The following EYA2 variants were observed in gnomAD, a reference collection of about 807,000 sequenced individuals.
The protein encoded by EYA2 is EYA transcriptional coactivator and phosphatase 2.
Under a neutral mutation model 69.2 loss-of-function variants are expected in EYA2, and 31 were observed. The ratio of observed to expected loss-of-function variants is 0.45; its 90% CI spans 0.34 to 0.60. The LOEUF is 0.60. Among genes scored for constraint, EYA2 ranks in the 20% least tolerant of loss-of-function variants. The probability of loss-of-function intolerance (pLI) is 0.02; values close to 1 mark genes in which losing one functional copy is unlikely to be tolerated. For synonymous variants in EYA2, 257 were observed against 279.4 expected (o/e 0.92, Z 0.80); for missense variants, 622 against 701.2 (o/e 0.89, Z 1.28).
At chr20:46,964,635 ACT>A (rs996380147) in intron 1 of EYA2, among the ~76,000 whole-genome samples, 11 of 152,172 alleles carry the variant, frequency 7.2e-5, no homozygotes, top group African/African-American at 2.2e-4. Flanking sequence ...TTTGCCAGAC[ACT>A]CTGCTAAATG....
chr20:47,121,321 G>C (rs1237451967), intron 9 of EYA2, among the ~76,000 whole-genome samples: 1 of 152,156 alleles, frequency 6.6e-6, no homozygotes, highest in Admixed American at 6.5e-5. Context: ...TCGAACTCCT[G>C]ACCTCAAGTG....
intron 1 of EYA2, among the ~76,000 whole-genome samples, chr20:46,895,380 C>G (rs751217474): frequency 1.3e-5 from 2 of 152,266 alleles, no homozygotes; most frequent in Non-Finnish European, 2.9e-5. Context: ...TCCCCCAGTC[C>G]GCAAACTCAA....
At chr20:46,968,124 G>A (rs987485351) in intron 1 of EYA2, among the ~76,000 whole-genome samples, 4 of 152,192 alleles carry the variant, frequency 2.6e-5, no homozygotes, top group African/African-American at 9.7e-5. Flanking sequence ...TTAGAGTAGG[G>A]CCATGTCCAG....
At chr20:46,940,295 A>G (rs552583799) in intron 1 of EYA2, among the ~76,000 whole-genome samples, 18 of 152,290 alleles carry the variant, frequency 1.2e-4, no homozygotes, top group African/African-American at 4.1e-4. Flanking sequence ...ATCAACTCAC[A>G]TAATAGTTGA....
intron 1 of EYA2, among the ~76,000 whole-genome samples, chr20:46,950,459 G>A (rs1978726938): frequency 6.6e-6 from 1 of 152,150 alleles, no homozygotes; most frequent in Admixed American, 6.5e-5. Context: ...TTGGGGTGCT[G>A]GAGCTGTGGG....
intron 5 of EYA2, among the ~76,000 whole-genome samples, chr20:47,024,463 T>A (rs1314579535): frequency 6.6e-6 from 1 of 152,220 alleles, no homozygotes; most frequent in African/African-American, 2.4e-5. Flanking sequence ...TCTGATCTTT[T>A]CCAGTGGTTC....
intron 5 of EYA2, among the ~76,000 whole-genome samples, chr20:47,019,987 A>AAG (rs3092589): frequency 6.7e-6 from 1 of 148,608 alleles, no homozygotes; most frequent in East Asian, 2.0e-4. Context: ...AAAAAAAAAA[A>AAG]TGCTGGGCAT....
At chr20:47,130,867 A>C (rs1478156339) in intron 9 of EYA2, among the ~76,000 whole-genome samples, 1 of 152,180 alleles carries the variant, frequency 6.6e-6, no homozygotes, top group Non-Finnish European at 1.5e-5. Context: ...AGGTAGGCAG[A>C]TCACCTGAGG....
At chr20:47,163,555 G>C (rs3092125) in intron 10 of EYA2, among the ~76,000 whole-genome samples, 1 of 151,496 alleles carries the variant, frequency 6.6e-6, no homozygotes, top group African/African-American at 2.4e-5. Context: ...AAAATTAGCT[G>C]GGCGTGGTGG....
intron 1 of EYA2, among the ~76,000 whole-genome samples, chr20:46,903,234 A>C (rs1353851832): frequency 6.6e-6 from 1 of 152,222 alleles, no homozygotes; most frequent in Non-Finnish European, 1.5e-5. Flanking sequence ...GAGGGTGCAG[A>C]GGGTGTTGAC....
intron 9 of EYA2, among the ~76,000 whole-genome samples, chr20:47,099,905 C>T (rs2032375242): frequency 6.6e-6 from 1 of 152,076 alleles, no homozygotes; most frequent in Admixed American, 6.5e-5. Context: ...TTTCCCCAAC[C>T]ACGCGCAGTA....
chr20:47,098,453 G>GC (rs1381280638), intron 9 of EYA2, among the ~76,000 whole-genome samples: 1 of 152,256 alleles, frequency 6.6e-6, no homozygotes, highest in Non-Finnish European at 1.5e-5. Context: ...CTTAGAGGCA[G>GC]CCTGCTGTGA....
At chr20:46,953,186 T>C (rs546510519) in intron 1 of EYA2, among the ~76,000 whole-genome samples, 16 of 152,228 alleles carry the variant, frequency 1.1e-4, no homozygotes, top group Non-Finnish European at 7.3e-5. Context: ...ACTGATGCTT[T>C]ACATATTCTA....
intron 9 of EYA2, among the ~76,000 whole-genome samples, chr20:47,097,808 TG>T (rs2032296324): frequency 6.6e-6 from 1 of 152,210 alleles, no homozygotes; most frequent in Admixed American, 6.5e-5. Flanking sequence ...GTTCATCCCA[TG>T]GGCTACTGAA....
intron 1 of EYA2, among the ~76,000 whole-genome samples, chr20:46,927,080 G>A (rs1985446030): frequency 6.6e-6 from 1 of 152,222 alleles, no homozygotes; most frequent in South Asian, 2.1e-4. Flanking sequence ...CTTGATGGGA[G>A]CCCAGAAGTG....
intron 14 of EYA2, among the ~76,000 whole-genome samples, 168 bp downstream of exon 14, chr20:47,181,104 C>T (rs530177127): frequency 6.6e-6 from 1 of 152,276 alleles, no homozygotes; most frequent in Non-Finnish European, 1.5e-5. Context: ...CATGCCTTAA[C>T]CTCTGCTTCT....
At chr20:46,999,991 T>G (rs1368815487) in intron 2 of EYA2, among the ~76,000 whole-genome samples, 2 of 152,204 alleles carry the variant, frequency 1.3e-5, no homozygotes, top group Non-Finnish European at 2.9e-5. Flanking sequence ...ACAATGACTG[T>G]CATCGTCAGC....
At chr20:47,068,606 C>G (rs2031200605) in intron 5 of EYA2, among the ~76,000 whole-genome samples, 1 of 152,152 alleles carries the variant, frequency 6.6e-6, no homozygotes, top group African/African-American at 2.4e-5. Flanking sequence ...GGGAAGGGCC[C>G]TCAGACTGCT....
chr20:47,043,921 G>A (rs1185537058), intron 5 of EYA2, among the ~76,000 whole-genome samples: 2 of 152,172 alleles, frequency 1.3e-5, no homozygotes, highest in Non-Finnish European at 2.9e-5. Flanking sequence ...TATAGATATT[G>A]ATAGTTCAAC....
Sources: gnomAD v4.1 joint callset for allele counts (sites outside exome capture counted in the v4.1 genomes callset) on GRCh38, gnomAD v4.1.1 for gene constraint, MANE v1.5 for transcripts, NCBI Gene and HGNC (gene_info 2026-07-23, HGNC 2026-07-21) for gene names.